The following SEC22A variants were observed in gnomAD, a reference collection of about 807,000 sequenced individuals.
SEC22A encodes vesicle-trafficking protein SEC22a.
Under a neutral mutation model 35.3 loss-of-function variants are expected in SEC22A, and 22 were observed. That is an observed-to-expected ratio of 0.62 (90% CI 0.45 to 0.89). The LOEUF (loss-of-function observed/expected upper bound fraction) is 0.89. Among genes scored for constraint, SEC22A ranks in the 40% least tolerant of loss-of-function variants. SEC22A has a pLI of 0.00. For missense variants in SEC22A, 354 were observed against 362.5 expected (o/e 0.98, Z 0.19); for synonymous variants, 119 against 129.5 (o/e 0.92, Z 0.55).
intron 4 of SEC22A, among the ~76,000 whole-genome samples, chr3:123,231,264 G>A (rs1426098702): frequency 1.3e-5 from 2 of 152,110 alleles, no homozygotes; most frequent in Non-Finnish European, 2.9e-5. Context: ...TTAGGCAGAA[G>A]ATAAGAAAAT....
chr3:123,205,737 G>C (rs1295387211), intron 1 of SEC22A, among the ~76,000 whole-genome samples: 2 of 152,128 alleles, frequency 1.3e-5, no homozygotes, highest in African/African-American at 4.8e-5. Flanking sequence ...ATGTAAGTTT[G>C]TCCAACTTTA....
chr3:123,253,947 A>G (rs1013680197), intron 5 of SEC22A, among the ~76,000 whole-genome samples: 1 of 151,848 alleles, frequency 6.6e-6, no homozygotes, highest in Non-Finnish European at 1.5e-5. Context: ...AAAAGTGGAG[A>G]AAGAAAATAA....
chr3:123,229,605 T>G (rs1937278158), intron 4 of SEC22A, among the ~76,000 whole-genome samples: 1 of 152,250 alleles, frequency 6.6e-6, no homozygotes, highest in South Asian at 2.1e-4. Flanking sequence ...GGCTTACGCC[T>G]GTAATCCCAA....
intron 5 of SEC22A, among the ~76,000 whole-genome samples, chr3:123,257,531 C>G (rs114739002): frequency 0.038 from 5,756 of 152,098 alleles, 340 homozygotes; most frequent in African/African-American, 0.13. Flanking sequence ...ACTCCACTCT[C>G]TACTAAAAAG....
intron 1 of SEC22A, among the ~76,000 whole-genome samples, chr3:123,202,905 G>GGAATCA (rs2108019499): frequency 6.6e-6 from 1 of 152,166 alleles, no homozygotes; most frequent in South Asian, 2.1e-4. Flanking sequence ...AAGATTGTAA[G>GGAATCA]GAATCAGGCA....
intron 4 of SEC22A, among the ~76,000 whole-genome samples, chr3:123,236,879 AATG>A (rs376346910): frequency 3.3e-5 from 5 of 152,288 alleles, no homozygotes; most frequent in African/African-American, 4.8e-5. Flanking sequence ...AAGACAACTT[AATG>A]ATAACTTTGA....
intron 4 of SEC22A, among the ~76,000 whole-genome samples, chr3:123,243,086 G>C (rs73856882): frequency 6.6e-6 from 1 of 151,880 alleles, no homozygotes; most frequent in East Asian, 1.9e-4. Context: ...CTCCCCACTT[G>C]TCACAAACAT....
intron 4 of SEC22A, among the ~76,000 whole-genome samples, chr3:123,240,179 GGT>G (rs1488127663): frequency 1.3e-5 from 2 of 152,042 alleles, no homozygotes; most frequent in African/African-American, 4.8e-5. Context: ...GTTCTTCCAT[GGT>G]CAGCAAGGCC....
intron 1 of SEC22A, among the ~76,000 whole-genome samples, chr3:123,206,591 A>T (rs1283989647): frequency 2.1e-5 from 3 of 141,776 alleles, no homozygotes; most frequent in African/African-American, 8.0e-5. Flanking sequence ...TAAGTAAAAC[A>T]TGGTAAAAAA....
intron 4 of SEC22A, chr3:123,243,930 A>T (rs1033231834): frequency 6.6e-6 from 1 of 152,218 alleles, no homozygotes; most frequent in African/African-American, 2.4e-5. Flanking sequence ...GGAGAAGGCA[A>T]TAATAACAAA....
chr3:123,245,781 ATAAT>A (rs1476466196), intron 4 of SEC22A, 114 bp from the exon 5 acceptor site: 3 of 635,056 alleles, frequency 4.7e-6, no homozygotes, highest in Admixed American at 2.6e-5. Flanking sequence ...ATGGTGTTAA[ATAAT>A]TCTATGAAGT....
chr3:123,264,027 G>A (rs922720840), intron 6 of SEC22A, among the ~76,000 whole-genome samples: 1 of 151,864 alleles, frequency 6.6e-6, no homozygotes, highest in African/African-American at 2.4e-5. Flanking sequence ...CAAACCTCCT[G>A]AGTAGCTAGG....
chr3:123,221,616 T>C (rs1015357257), intron 2 of SEC22A, among the ~76,000 whole-genome samples: 1 of 152,174 alleles, frequency 6.6e-6, no homozygotes, highest in South Asian at 2.1e-4. Context: ...TTTAGGTGAC[T>C]CATTAAAAAG....
At chr3:123,236,933 T>A (rs966176064) in intron 4 of SEC22A, among the ~76,000 whole-genome samples, 6 of 152,174 alleles carry the variant, frequency 3.9e-5, no homozygotes, top group African/African-American at 1.4e-4. Flanking sequence ...AATTCTGTGC[T>A]TTACAAAATG....
At chr3:123,254,850 A>G (rs972923503) in intron 5 of SEC22A, among the ~76,000 whole-genome samples, 1 of 151,980 alleles carries the variant, frequency 6.6e-6, no homozygotes, top group Non-Finnish European at 1.5e-5. Flanking sequence ...CGTCATTTAC[A>G]TTAGGTATAT....
chr3:123,228,328 G>A (rs1156970083), intron 4 of SEC22A, among the ~76,000 whole-genome samples: 2 of 151,142 alleles, frequency 1.3e-5, no homozygotes, highest in Non-Finnish European at 2.9e-5. Context: ...CATTTGGGAG[G>A]CCAAGGCGGG....
At position 123,205,675 on chromosome 3, in the gene SEC22A, T is replaced by TCAAAA. The variant is rs10574423; in HGVS notation, c.-19-3503_-19-3499dup. 2.9e-3 allele frequency among the ~76,000 whole-genome samples: 444 copies of TCAAAA among 151,476 alleles called. 3 individuals are homozygous for TCAAAA. The highest frequency in any genetic ancestry group is 9.4e-3 in the African/African-American group (389 of 41,382). ...CTGGGCAACAGAGTGAGACCCTGTTTCAAAACAAAACAAAACAAAACAAAA... is the reference window on the plus strand; with the variant it reads ...CTGGGCAACAGAGTGAGACCCTGTTTCAAAACAAAACAAAACAAAACAAAACAAAA... On this transcript the variant is annotated intron_variant, in intron 1 of 6. Transcript: ENST00000492595.
chr3:123,217,146 G>A (rs1229471917), intron 2 of SEC22A, among the ~76,000 whole-genome samples: 2 of 151,090 alleles, frequency 1.3e-5, no homozygotes, highest in Non-Finnish European at 2.9e-5. Context: ...ATATTTTAAA[G>A]TTTCAACACT....
chr3:123,207,843 G>A (rs1257058027), intron 1 of SEC22A, among the ~76,000 whole-genome samples: 1 of 152,096 alleles, frequency 6.6e-6, no homozygotes, highest in East Asian at 1.9e-4. Flanking sequence ...CAATAAAATA[G>A]GCCATTAAGA....
Sources: allele counts gnomAD v4.1 joint callset (sites outside exome capture counted in the v4.1 genomes callset), GRCh38; gene constraint gnomAD v4.1.1; transcripts MANE v1.5; gene names NCBI Gene and HGNC (gene_info 2026-07-23, HGNC 2026-07-21).